Variants in CTNNA3 observed in about 807,000 individuals in gnomAD.
CTNNA3 encodes catenin alpha-3.
A neutral mutation model predicts 95.7 loss-of-function variants in CTNNA3; 76 were observed. The observed-to-expected ratio is 0.79, with a 90% confidence interval of 0.66 to 0.96. CTNNA3 has a LOEUF of 0.96. CTNNA3 is among the 40% of genes least tolerant of loss of function. CTNNA3 has a pLI of 0.00. For synonymous variants in CTNNA3, 431 were observed against 374.4 expected (o/e 1.15, Z -1.74); for missense variants, 1,191 against 1,089.8 (o/e 1.09, Z -1.31).
intron 15 of CTNNA3, 44 bp downstream of exon 15, chr10:66,069,264 T>C: frequency 6.3e-7 from 1 of 1,575,238 alleles, no homozygotes; most frequent in Non-Finnish European, 8.7e-7. Flanking sequence ...TGACTAATAT[T>C]TTCAGCCATT....
At chr10:67,406,957 A>T (rs1157562788) in intron 5 of CTNNA3, among the ~76,000 whole-genome samples, 6 of 152,200 alleles carry the variant, frequency 3.9e-5, no homozygotes, top group African/African-American at 7.2e-5. Context: ...GCCCATAACC[A>T]GATGGATTCA....
At chr10:67,028,472 C>A (rs1342966632) in intron 7 of CTNNA3, among the ~76,000 whole-genome samples, 2 of 151,556 alleles carry the variant, frequency 1.3e-5, no homozygotes, top group African/African-American at 4.8e-5. Context: ...GAAGGTAGTA[C>A]TTGAGAGTGG....
intron 10 of CTNNA3, among the ~76,000 whole-genome samples, chr10:66,607,177 T>C (rs985548096): frequency 1.3e-5 from 2 of 151,632 alleles, no homozygotes; most frequent in Non-Finnish European, 2.9e-5. Context: ...CTAGCAAATA[T>C]AAAAGATGTG....
At chr10:67,294,794 G>A (rs1357763051) in intron 5 of CTNNA3, among the ~76,000 whole-genome samples, 4 of 152,096 alleles carry the variant, frequency 2.6e-5, no homozygotes, top group Admixed American at 1.3e-4. Flanking sequence ...TTTGTTATAC[G>A]TGGCAGGAAA....
chr10:66,393,432 A>C (rs12763064), intron 11 of CTNNA3, among the ~76,000 whole-genome samples: 42,416 of 152,020 alleles, frequency 0.28, 6,134 homozygotes, highest in South Asian at 0.4. Flanking sequence ...TTCTTCAAAC[A>C]TTCTACATTC....
At chr10:66,501,861 T>C (rs912019724) in intron 11 of CTNNA3, among the ~76,000 whole-genome samples, 1 of 152,080 alleles carries the variant, frequency 6.6e-6, no homozygotes, top group African/African-American at 2.4e-5. Context: ...TCAAAATCTT[T>C]AGTACTAAAA....
chr10:67,651,953 T>C (rs1839889734), intron 1 of CTNNA3, among the ~76,000 whole-genome samples: 1 of 152,238 alleles, frequency 6.6e-6, no homozygotes, highest in Non-Finnish European at 1.5e-5. Context: ...CTCTTCTCTA[T>C]GTATTAGTTC....
chr10:66,048,391 A>G (rs1435421052), intron 15 of CTNNA3, among the ~76,000 whole-genome samples: 1 of 152,208 alleles, frequency 6.6e-6, no homozygotes, highest in Non-Finnish European at 1.5e-5. Context: ...CTCCCTATTC[A>G]ATGAATGGTG....
intron 13 of CTNNA3, among the ~76,000 whole-genome samples, chr10:66,270,168 C>T (rs1589901292): frequency 6.7e-6 from 1 of 149,690 alleles, no homozygotes; most frequent in African/African-American, 2.5e-5. Flanking sequence ...GAACAAATGT[C>T]CAATTTGGAA....
At chr10:67,373,513 C>A (rs1037629405) in intron 5 of CTNNA3, among the ~76,000 whole-genome samples, 1 of 152,166 alleles carries the variant, frequency 6.6e-6, no homozygotes, top group Non-Finnish European at 1.5e-5. Flanking sequence ...TAGACTCCCA[C>A]ACAACAATAA....
At chr10:65,970,086 C>G (rs1350303057) in intron 16 of CTNNA3, among the ~76,000 whole-genome samples, 1 of 152,024 alleles carries the variant, frequency 6.6e-6, no homozygotes, top group Non-Finnish European at 1.5e-5. Flanking sequence ...CTACATAAAC[C>G]TTATTTATAA....
At chr10:66,553,796 G>T (rs1219201085) in intron 10 of CTNNA3, among the ~76,000 whole-genome samples, 2 of 151,828 alleles carry the variant, frequency 1.3e-5, no homozygotes, top group African/African-American at 4.8e-5. Flanking sequence ...CAAAGTGCTG[G>T]GATTACAGGC....
chr10:67,736,711 T>G (rs1841304967), intron 1 of CTNNA3, among the ~76,000 whole-genome samples: 1 of 152,002 alleles, frequency 6.6e-6, no homozygotes, highest in African/African-American at 2.4e-5. Context: ...CACCTCGGCC[T>G]CCCAAAGTGC....
At chr10:67,653,422 C>T (rs905462501) in intron 1 of CTNNA3, among the ~76,000 whole-genome samples, 1 of 152,144 alleles carries the variant, frequency 6.6e-6, no homozygotes, top group Non-Finnish European at 1.5e-5. Context: ...AATTCATATT[C>T]TTTCAAATTT....
intron 7 of CTNNA3, among the ~76,000 whole-genome samples, chr10:66,987,466 G>T (rs944588523): frequency 6.6e-6 from 1 of 152,140 alleles, no homozygotes; most frequent in Non-Finnish European, 1.5e-5. Flanking sequence ...TGGGGTCTTA[G>T]CAATCCGAGA....
At chr10:67,442,022 T>G (rs1846536532) in intron 5 of CTNNA3, among the ~76,000 whole-genome samples, 1 of 152,172 alleles carries the variant, frequency 6.6e-6, no homozygotes, top group Admixed American at 6.5e-5. Context: ...CAATAAGGCA[T>G]AAGCAGTGCA....
At chr10:66,010,026 G>C (rs2078973950) in intron 15 of CTNNA3, among the ~76,000 whole-genome samples, 1 of 152,164 alleles carries the variant, frequency 6.6e-6, no homozygotes. Context: ...AGCATGTAGA[G>C]AAAAGATGGA....
chr10:67,467,755 G>T (rs1038950235), intron 5 of CTNNA3, among the ~76,000 whole-genome samples: 1 of 151,668 alleles, frequency 6.6e-6, no homozygotes, highest in Non-Finnish European at 1.5e-5. Flanking sequence ...CTGTCACTTA[G>T]GCTGGAGCAC....
In CTNNA3 at chr10:65,913,059, A is replaced by T. The variant is rs2076964893; in HGVS notation, c.*7271T>A. 2 of 152,166 alleles carry T rather than the reference A, an allele frequency of 1.3e-5. No individual in the cohort carries two copies. Among genetic ancestry groups the T allele is most frequent in the Non-Finnish European group, 2.9e-5 (2 of 68,016 alleles). 9.4% of individuals were successfully genotyped at this position (152,166 alleles called of 1,614,324 possible). A position where few individuals can be genotyped will look rare whatever the true frequency, so the allele number is the denominator to read the frequency against. ...AAGTTCCCAAGATATTGCTGCAATA[A>T]ACATGACTATTATGAATTGGTTACT... On this transcript the variant is annotated 3_prime_UTR_variant, in exon 18 of 18. Transcript: ENST00000433211.
Sources: gnomAD v4.1 joint callset for allele counts (sites outside exome capture counted in the v4.1 genomes callset) on GRCh38, gnomAD v4.1.1 for gene constraint, MANE v1.5 for transcripts, NCBI Gene and HGNC (gene_info 2026-07-23, HGNC 2026-07-21) for gene names.